The following SCARA5 variants were observed in gnomAD, a reference collection of about 807,000 sequenced individuals.
SCARA5 encodes scavenger receptor class A, member 5 (putative).
In SCARA5, 45 loss-of-function variants were observed where a neutral mutation model predicts 46.3. The ratio of observed to expected loss-of-function variants is 0.97; its 90% CI spans 0.76 to 1.24. The LOEUF (loss-of-function observed/expected upper bound fraction) is 1.24, where lower values mean the gene tolerates loss of function less well. Ranked by LOEUF, SCARA5 falls within the 50% of genes most tolerant of loss-of-function variation. The pLI, the probability that SCARA5 is intolerant of heterozygous loss-of-function variation, is 0.00. For missense variants in SCARA5, 680 were observed against 689.0 expected (o/e 0.99, Z 0.15); for synonymous variants, 333 against 306.5 (o/e 1.09, Z -0.90).
At chr8:27,894,635 A>C (rs573868776) in intron 7 of SCARA5, among the ~76,000 whole-genome samples, 1 of 152,204 alleles carries the variant, frequency 6.6e-6, no homozygotes, top group Non-Finnish European at 1.5e-5. Flanking sequence ...ACAACTCCCT[A>C]GTTGTGGGGC....
intron 1 of SCARA5, among the ~76,000 whole-genome samples, chr8:27,992,016 C>T (rs2129997150): frequency 6.6e-6 from 1 of 152,300 alleles, no homozygotes; most frequent in Admixed American, 6.5e-5. Context: ...CAATAGCTTC[C>T]CTCTGGCACC....
intron 7 of SCARA5, among the ~76,000 whole-genome samples, chr8:27,888,127 G>T (rs1473571690): frequency 1.3e-5 from 2 of 152,048 alleles, no homozygotes; most frequent in Non-Finnish European, 2.9e-5. Flanking sequence ...CATGATCTCG[G>T]CTCACTACAA....
intron 7 of SCARA5, among the ~76,000 whole-genome samples, chr8:27,887,833 G>C (rs1806921924): frequency 6.6e-6 from 1 of 152,194 alleles, no homozygotes; most frequent in Admixed American, 6.5e-5. Context: ...AGAAGTAAAT[G>C]AGCAACTTGG....
intron 3 of SCARA5, among the ~76,000 whole-genome samples, chr8:27,946,380 G>C (rs1808037572): frequency 6.6e-6 from 1 of 152,204 alleles, no homozygotes; most frequent in Non-Finnish European, 1.5e-5. Context: ...ATTGGCTCCA[G>C]GATCCCCCAC....
chr8:27,927,682 T>C (rs551375527), intron 3 of SCARA5, among the ~76,000 whole-genome samples: 1 of 152,346 alleles, frequency 6.6e-6, no homozygotes, highest in South Asian at 2.1e-4. Flanking sequence ...GTTCCTCCCC[T>C]TCCCTTTGAA....
In SCARA5 at chr8:27,957,619, G is replaced by A. The variant is rs1368771716; in HGVS notation, c.241+8795C>T. The stretch of plus-strand genomic sequence containing the variant: ...GCCTCAGACCAGGAGGCTCGGGTGG[G>A]AGAAGCCCTGAATTCACGCCATTCC... On this transcript the variant is annotated intron_variant, in intron 3 of 8. Transcript: ENST00000354914. Among the ~76,000 whole-genome samples, 52 of 152,218 alleles carry A rather than the reference G, an allele frequency of 3.4e-4. 1 individual carries two copies. Among genetic ancestry groups the A allele is most frequent in the Admixed American group, 3.4e-3 (52 of 15,284 alleles).
chr8:27,953,025 T>G (rs1222719626), intron 3 of SCARA5, among the ~76,000 whole-genome samples: 2 of 152,196 alleles, frequency 1.3e-5, no homozygotes, highest in Non-Finnish European at 2.9e-5. Context: ...TGTCAGACCC[T>G]GAAGCAGAGC....
intron 3 of SCARA5, among the ~76,000 whole-genome samples, chr8:27,922,451 T>C (rs4732788): frequency 0.6 from 91,692 of 151,984 alleles, 28,775 homozygotes; most frequent in South Asian, 0.76. Flanking sequence ...CACATTAGAT[T>C]ACCTGGCTAG....
intron 3 of SCARA5, among the ~76,000 whole-genome samples, chr8:27,961,689 C>A (rs951174195): frequency 1.3e-5 from 2 of 152,012 alleles, no homozygotes; most frequent in African/African-American, 2.4e-5. Context: ...TTGTAACCAG[C>A]GTGAAGTCTA....
intron 3 of SCARA5, among the ~76,000 whole-genome samples, chr8:27,943,714 G>A (rs1312635216): frequency 1.3e-5 from 2 of 152,124 alleles, no homozygotes; most frequent in African/African-American, 4.8e-5. Flanking sequence ...ACATTGCAGC[G>A]GTCAGAGAGG....
intron 3 of SCARA5, among the ~76,000 whole-genome samples, chr8:27,926,406 T>C (rs916494087): frequency 6.6e-6 from 1 of 152,026 alleles, no homozygotes; most frequent in Non-Finnish European, 1.5e-5. Flanking sequence ...AGGAGATCAC[T>C]TGGACACAGT....
Position 27,921,770 on chromosome 8 carries a change from G to A in SCARA5, c.717C>T (p.Ala239=). 1 of 1,576,966 alleles carries A rather than the reference G, an allele frequency of 6.3e-7. No individual in the cohort carries two copies. The highest frequency in any genetic ancestry group is 8.6e-7 in the Non-Finnish European group (1 of 1,165,262). ...GLNHSLSYDV[A]LHRTRLQDLR... is the part of the protein sequence containing the mutation. Reference sequence around the variant, plus strand: ...GGTCCTGCAGCCGCGTGCGGTGGAGGGCCACGTCGTAGGACAGGCTGTGGT... The same window carrying A: ...GGTCCTGCAGCCGCGTGCGGTGGAGAGCCACGTCGTAGGACAGGCTGTGGT... The change falls in exon 4 of 9, where the codon GCC becomes GCT. Residue 239 remains alanine, a synonymous_variant. Coordinates refer to ENST00000354914, the MANE Select transcript of SCARA5 (RefSeq NM_173833.6).
At chr8:27,945,882 C>T (rs1808028115) in intron 3 of SCARA5, among the ~76,000 whole-genome samples, 1 of 152,184 alleles carries the variant, frequency 6.6e-6, no homozygotes, top group Non-Finnish European at 1.5e-5. Context: ...AAGGAAATCT[C>T]TAAAAGTAAT....
chr8:27,901,687 G>A (rs1328738912), intron 7 of SCARA5, among the ~76,000 whole-genome samples: 3 of 152,160 alleles, frequency 2.0e-5, no homozygotes, highest in Non-Finnish European at 2.9e-5. Flanking sequence ...AAGACACCCC[G>A]CAATGGGACA....
At chr8:27,940,760 G>GTCCATCCATCCA (rs60443615) in intron 3 of SCARA5, among the ~76,000 whole-genome samples, 1,960 of 128,326 alleles carry the variant, frequency 0.015, 28 homozygotes, top group East Asian at 0.029. Context: ...CCAACCATCT[G>GTCCATCCATCCA]TCCATCCATC....
intron 7 of SCARA5, among the ~76,000 whole-genome samples, chr8:27,893,871 G>A (rs1807022566): frequency 6.6e-6 from 1 of 152,144 alleles, no homozygotes; most frequent in Non-Finnish European, 1.5e-5. Context: ...TTATTACTCC[G>A]CCCCCAGCGG....
intron 3 of SCARA5, among the ~76,000 whole-genome samples, chr8:27,956,872 A>G (rs1808214898): frequency 1.3e-5 from 2 of 152,228 alleles, no homozygotes; most frequent in Admixed American, 1.3e-4. Context: ...CAGCCAAGAC[A>G]CGATGCCTGC....
In SCARA5 at chr8:27,921,711, G is replaced by T; in HGVS notation, c.776C>A (p.Thr259Lys). The change falls in exon 4 of 9, where the codon ACG becomes AAG. Residue 259 changes from threonine (T) to lysine (K), a missense_variant. By Grantham distance (78) the Thr-to-Lys change is moderately conservative. This residue lies in a region of SCARA5 where 438 missense variants were observed against 384.5 expected (regional missense o/e 1.14). Coordinates refer to ENST00000354914, the MANE Select transcript of SCARA5 (RefSeq NM_173833.6). ...RVLVSNASEDTRRLRLAHVGM... is the reference protein window; with the variant it reads ...RVLVSNASEDKRRLRLAHVGM... ...TACGTGCGCCAGGCGCAGGCGGCGC[G>T]TGTCCTCGCTGGCGTTGCTCACCAG... 1.3e-6 allele frequency: 2 copies of T among 1,599,710 alleles called. No individual in the cohort carries two copies. Among genetic ancestry groups the T allele is most frequent in the South Asian group, 2.3e-5 (2 of 88,572 alleles).
At chr8:27,893,890 G>A (rs924087210) in intron 7 of SCARA5, among the ~76,000 whole-genome samples, 2 of 152,242 alleles carry the variant, frequency 1.3e-5, no homozygotes, top group African/African-American at 4.8e-5. Context: ...GGGTTTAGGA[G>A]GACTGTGTAG....
Sources: allele counts gnomAD v4.1 joint callset (sites outside exome capture counted in the v4.1 genomes callset), GRCh38; gene constraint gnomAD v4.1.1; regional missense constraint gnomAD v4.1.1; transcripts MANE v1.5; gene names NCBI Gene and HGNC (gene_info 2026-07-23, HGNC 2026-07-21).